Variants in FBXL7 observed in about 807,000 individuals in gnomAD.
The protein encoded by FBXL7 is F-box and leucine rich repeat protein 7.
A neutral mutation model predicts 38.3 loss-of-function variants in FBXL7; 12 were observed. The observed-to-expected ratio is 0.31, with a 90% CI of 0.20 to 0.51. FBXL7 has a LOEUF of 0.51. Among genes scored for constraint, FBXL7 ranks in the 20% least tolerant of loss-of-function variants. The probability of loss-of-function intolerance (pLI) is 0.98; values close to 1 mark genes in which losing one functional copy is unlikely to be tolerated. For missense variants in FBXL7, 567 were observed against 676.4 expected (o/e 0.84, Z 1.79); for synonymous variants, 297 against 300.9 (o/e 0.99, Z 0.13).
intron 2 of FBXL7, among the ~76,000 whole-genome samples, chr5:15,835,201 C>T (rs1363744361): frequency 6.6e-6 from 1 of 152,048 alleles, no homozygotes; most frequent in East Asian, 1.9e-4. Flanking sequence ...GCATGAATAA[C>T]CACTCTTGGC....
chr5:15,794,665 C>T (rs1282376390), intron 2 of FBXL7, among the ~76,000 whole-genome samples: 4 of 152,058 alleles, frequency 2.6e-5, no homozygotes, highest in Non-Finnish European at 4.4e-5. Flanking sequence ...TATCTTTGAG[C>T]GTGAGTTGGG....
intron 1 of FBXL7, among the ~76,000 whole-genome samples, chr5:15,572,015 C>T (rs2126453964): frequency 6.6e-6 from 1 of 152,214 alleles, no homozygotes; most frequent in East Asian, 1.9e-4. Flanking sequence ...AATCTGTATT[C>T]ATATGTGAAA....
intron 2 of FBXL7, among the ~76,000 whole-genome samples, chr5:15,673,727 A>G (rs1742561628): frequency 6.6e-6 from 1 of 152,078 alleles, no homozygotes; most frequent in African/African-American, 2.4e-5. Flanking sequence ...GAGTATCCCC[A>G]AGCCTGATCA....
chr5:15,685,771 G>A (rs559914812), intron 2 of FBXL7, among the ~76,000 whole-genome samples: 10 of 152,300 alleles, frequency 6.6e-5, no homozygotes, highest in South Asian at 4.1e-4. Context: ...CAGTTACCAG[G>A]ATTCAGTGAA....
chr5:15,511,808 G>A (rs770397237), intron 1 of FBXL7, among the ~76,000 whole-genome samples: 1 of 152,196 alleles, frequency 6.6e-6, no homozygotes. Context: ...CATCACTTTT[G>A]CAGCTGTATT....
At chr5:15,907,709 G>A (rs1271641426) in intron 2 of FBXL7, among the ~76,000 whole-genome samples, 1 of 82,762 alleles carries the variant, frequency 1.2e-5, no homozygotes, top group Non-Finnish European at 2.2e-5. Flanking sequence ...GTGTAAGGAA[G>A]GGATCCAGTT....
intron 1 of FBXL7, among the ~76,000 whole-genome samples, chr5:15,590,061 G>C (rs554251308): frequency 6.6e-6 from 1 of 152,132 alleles, no homozygotes; most frequent in Non-Finnish European, 1.5e-5. Context: ...TCTCTCTTAA[G>C]ATATCTTTGA....
At chr5:15,894,277 AAAAC>A (rs542092222) in intron 2 of FBXL7, among the ~76,000 whole-genome samples, 62 of 152,290 alleles carry the variant, frequency 4.1e-4, no homozygotes, top group Non-Finnish European at 7.9e-4. Flanking sequence ...CAAAACAAAC[AAAAC>A]AAACAAACAA....
At chr5:15,604,939 T>G (rs1739955853) in intron 1 of FBXL7, among the ~76,000 whole-genome samples, 1 of 152,170 alleles carries the variant, frequency 6.6e-6, no homozygotes, top group African/African-American at 2.4e-5. Flanking sequence ...GCAGCAGGTG[T>G]GTGCAGGGAT....
At chr5:15,921,772 T>C (rs927992562) in intron 2 of FBXL7, among the ~76,000 whole-genome samples, 1 of 152,118 alleles carries the variant, frequency 6.6e-6, no homozygotes, top group Non-Finnish European at 1.5e-5. Flanking sequence ...ATCAGGGAAA[T>C]GCAAATCAAA....
At chr5:15,561,779 T>C (rs1580372036) in intron 1 of FBXL7, among the ~76,000 whole-genome samples, 1 of 152,092 alleles carries the variant, frequency 6.6e-6, no homozygotes, top group African/African-American at 2.4e-5. Flanking sequence ...CTCATTGCAG[T>C]TTTGATTTGC....
intron 2 of FBXL7, among the ~76,000 whole-genome samples, chr5:15,787,222 C>T (rs1737155608): frequency 6.6e-6 from 1 of 152,026 alleles, no homozygotes; most frequent in Non-Finnish European, 1.5e-5. Context: ...TATGGCAGCC[C>T]TAGAAAATTA....
At chr5:15,588,220 G>A (rs552873225) in intron 1 of FBXL7, among the ~76,000 whole-genome samples, 1 of 152,254 alleles carries the variant, frequency 6.6e-6, no homozygotes, top group African/African-American at 2.4e-5. Flanking sequence ...TGTCAGAACT[G>A]AATGGTCATG....
intron 1 of FBXL7, among the ~76,000 whole-genome samples, chr5:15,569,549 G>A (rs1278299639): frequency 8.6e-5 from 13 of 150,544 alleles, no homozygotes; most frequent in African/African-American, 3.2e-4. Context: ...GGGACAATTT[G>A]ACTTCCTCTT....
At chr5:15,659,570 A>G (rs1462060266) in intron 2 of FBXL7, among the ~76,000 whole-genome samples, 1 of 152,202 alleles carries the variant, frequency 6.6e-6, no homozygotes, top group African/African-American at 2.4e-5. Context: ...GGATTTAAAG[A>G]TACACAAATG....
intron 2 of FBXL7, among the ~76,000 whole-genome samples, chr5:15,827,696 C>T (rs2126770458): frequency 6.6e-6 from 1 of 152,306 alleles, no homozygotes; most frequent in South Asian, 2.1e-4. Flanking sequence ...CCAATCACCA[C>T]TCAAAGGTCT....
intron 2 of FBXL7, among the ~76,000 whole-genome samples, chr5:15,669,052 T>G (rs1742375571): frequency 6.6e-6 from 1 of 152,168 alleles, no homozygotes; most frequent in Non-Finnish European, 1.5e-5. Context: ...AGTACTCCTG[T>G]GTCACACATT....
chr5:15,927,211 G>C (rs1479195455), intron 2 of FBXL7, among the ~76,000 whole-genome samples: 1 of 152,214 alleles, frequency 6.6e-6, no homozygotes, highest in African/African-American at 2.4e-5. Context: ...TTTACACTCT[G>C]TTTGTGGTAG....
chr5:15,739,325 A>G (rs1316833096), intron 2 of FBXL7, among the ~76,000 whole-genome samples: 1 of 151,992 alleles, frequency 6.6e-6, no homozygotes, highest in African/African-American at 2.4e-5. Flanking sequence ...CTGTAACTCA[A>G]CATTTGTCAC....
Sources: allele counts gnomAD v4.1 joint callset (sites outside exome capture counted in the v4.1 genomes callset), GRCh38; gene constraint gnomAD v4.1.1; transcripts MANE v1.5; gene names NCBI Gene and HGNC (gene_info 2026-07-23, HGNC 2026-07-21).